Variants in SCAMP5 observed in about 807,000 individuals in gnomAD.
SCAMP5 encodes the protein secretory carrier-associated membrane protein 5.
In SCAMP5, 7 loss-of-function variants were observed where a neutral mutation model predicts 28.3. That is an observed-to-expected ratio of 0.25 (90% confidence interval 0.14 to 0.46). SCAMP5 has a LOEUF of 0.46. Among genes scored for constraint, SCAMP5 ranks in the 20% least tolerant of loss-of-function variants. SCAMP5 has a pLI of 0.99. For missense variants in SCAMP5, 192 were observed against 312.5 expected (o/e 0.61, Z 2.91); for synonymous variants, 117 against 116.4 (o/e 1.00, Z -0.03).
intron 1 of SCAMP5, among the ~76,000 whole-genome samples, chr15:75,000,386 A>T (rs1308817475): frequency 7.3e-6 from 1 of 137,040 alleles, no homozygotes; most frequent in East Asian, 2.3e-4. Context: ...AAAACCTTTA[A>T]GGCCATTTTT....
rs2065814124 is a variant in SCAMP5 at position 75,011,832 on chromosome 15, G to T, written c.-8G>T. 1.9e-6 allele frequency: 3 copies of T among 1,612,722 alleles called. No individual in the cohort carries two copies. Among genetic ancestry groups the T allele is most frequent in the Non-Finnish European group, 2.5e-6 (3 of 1,178,894 alleles). ...TGTGGGCAGGCCACTGGGCCAGCTG[G>T]TAACATCATGGCAGGTAAGGAGAGG... On this transcript the variant is annotated 5_prime_UTR_variant, in exon 2 of 7. Transcript: ENST00000425597.
intron 4 of SCAMP5, 31 bp downstream of exon 4, chr15:75,016,780 G>A (rs2065863240): frequency 1.3e-6 from 2 of 1,575,518 alleles, no homozygotes; most frequent in Non-Finnish European, 1.7e-6. Flanking sequence ...GCAGTGCCTA[G>A]CCGTCTCTGC....
chr15:75,003,802 C>T (rs1454103767), intron 1 of SCAMP5, among the ~76,000 whole-genome samples: 1 of 151,924 alleles, frequency 6.6e-6, no homozygotes, highest in Admixed American at 6.6e-5. Flanking sequence ...AAAGTGAGAC[C>T]CTATCTAAAA....
At chr15:75,001,498 A>G (rs7182286) in intron 1 of SCAMP5, among the ~76,000 whole-genome samples, 30,256 of 150,686 alleles carry the variant, frequency 0.2, 4,793 homozygotes, top group South Asian at 0.44. Flanking sequence ...AAATTGGGCT[A>G]GGTGCAGTGG....
intron 4 of SCAMP5, 88 bp downstream of exon 4, chr15:75,016,837 T>C (rs2065863973): frequency 7.9e-7 from 1 of 1,271,986 alleles, no homozygotes; most frequent in African/African-American, 1.5e-5. Context: ...TTCTTTTTTT[T>C]TTTTTTTACC....
Position 75,017,872 on chromosome 15 carries a change from C to T in SCAMP5, c.296C>T (p.Thr99Ile). The change falls in exon 5 of 7, where the codon ACT becomes ATT. Residue 99 changes from threonine (T) to isoleucine (I), a missense_variant and splice_region_variant. Thr to Ile is a moderately conservative substitution (Grantham distance 89, BLOSUM62 -1). Transcript: ENST00000425597. The stretch of plus-strand genomic sequence containing the variant: ...GGGAGCCACCTCCTCTGCCGCAGGA[C>T]TGACAGCTCCTTCAGTTTCATGGCA... ...WFRPIYKAFK[T>I]DSSFSFMAFF... 2 of 1,611,512 alleles carry T rather than the reference C, an allele frequency of 1.2e-6. No individual in the cohort carries two copies. Among genetic ancestry groups the T allele is most frequent in the Non-Finnish European group, 1.7e-6 (2 of 1,177,630 alleles).
chr15:75,018,680 T>A lies in SCAMP5; in HGVS notation c.514-109T>A. 1 of 1,035,216 alleles carries A rather than the reference T, an allele frequency of 9.7e-7. No homozygotes were observed. The highest frequency in any genetic ancestry group is 2.5e-4 in the Middle Eastern group (1 of 4,010). The allele number at this position is 1,035,216 out of a possible 1,614,324, so 64.1% of individuals were successfully genotyped here. A position where few individuals can be genotyped will look rare whatever the true frequency, so the allele number is the denominator to read the frequency against. ...CCTGCAGGACTCTCCTACAGAGGCA[T>A]TCATGGGGAGGGAGCACTGTTTTTT... On this transcript the variant is annotated intron_variant, in intron 6 of 6. Coordinates refer to ENST00000425597, the MANE Select transcript of SCAMP5 (RefSeq NM_138967.4). This position sits in a 1 kb window ranked among gnomAD's most constrained non-coding sequence, Gnocchi z 5.6.
At position 75,016,630 on chromosome 15, in the gene SCAMP5, T is replaced by C. The variant is rs1567031554; in HGVS notation, c.174T>C (p.Cys58=). The C allele has an allele frequency of 2.5e-6, 4 of 1,613,774 alleles. No homozygotes were observed. The highest frequency in any genetic ancestry group is 2.7e-5 in the African/African-American group (2 of 75,022). Residue 58 remains cysteine (C), a synonymous_variant, in exon 4 of 7, where the codon TGT becomes TGC. Transcript: ENST00000425597. ...CGCTGGCCGTGAACCTGGTGGGCTGTCTCGCGTGGCTGATCGGAGGCGGGG... is the reference window on the plus strand; with the variant it reads ...CGCTGGCCGTGAACCTGGTGGGCTGCCTCGCGTGGCTGATCGGAGGCGGGG... ...SVTLAVNLVG[C]LAWLIGGGGA...
At chr15:75,015,695 G>A (rs1280063721) in intron 3 of SCAMP5, among the ~76,000 whole-genome samples, 3 of 152,150 alleles carry the variant, frequency 2.0e-5, no homozygotes, top group Non-Finnish European at 2.9e-5. Context: ...GGAGGCCAAG[G>A]CGGGTGGATC....
Position 75,020,577 on chromosome 15 carries a change from G to T in SCAMP5, c.*1594G>T, listed in dbSNP as rs1463615024. 1 of 152,306 alleles carries T rather than the reference G, an allele frequency of 6.6e-6. No individual in the cohort carries two copies. The highest frequency in any genetic ancestry group is 1.5e-5 in the Non-Finnish European group (1 of 68,124). The allele number at this position is 152,306 out of a possible 1,614,324, so 9.4% of individuals were successfully genotyped here. On this transcript the variant is annotated 3_prime_UTR_variant, in exon 7 of 7. Coordinates refer to ENST00000425597, the MANE Select transcript of SCAMP5 (RefSeq NM_138967.4). Reference sequence around the variant, plus strand: ...ACTCCCTACCACTTTCAGGAGAGTGGTTTTAGGCCCGTGGGGCTGTTCTGT... The same window carrying T: ...ACTCCCTACCACTTTCAGGAGAGTGTTTTTAGGCCCGTGGGGCTGTTCTGT...
chr15:75,006,083 C>T (rs910411676), intron 1 of SCAMP5, among the ~76,000 whole-genome samples: 3 of 148,648 alleles, frequency 2.0e-5, no homozygotes, highest in African/African-American at 5.0e-5. Context: ...CTGAAACCTC[C>T]GCCTCCCGGG....
chr15:75,006,020 T>TG (rs1487848410), intron 1 of SCAMP5, among the ~76,000 whole-genome samples: 1 of 104,272 alleles, frequency 9.6e-6, no homozygotes, highest in African/African-American at 3.9e-5. Context: ...TTTTTTGAGA[T>TG]GGAGTCTAGC....
chr15:75,012,831 C>T (rs143481943), intron 3 of SCAMP5, 26 bp downstream of exon 3: 1 of 1,613,278 alleles, frequency 6.2e-7, no homozygotes. Flanking sequence ...TGGGGGTGGG[C>T]CAGGGTGGCT....
intron 3 of SCAMP5, among the ~76,000 whole-genome samples, chr15:75,015,503 G>A (rs2065851252): frequency 6.6e-6 from 1 of 152,122 alleles, no homozygotes; most frequent in South Asian, 2.1e-4. Context: ...CTGGTTGATG[G>A]GCTGGGATTT....
intron 4 of SCAMP5, 21 bp downstream of exon 4, chr15:75,016,770 G>A (rs776093619): frequency 4.4e-6 from 7 of 1,599,468 alleles, no homozygotes; most frequent in South Asian, 2.2e-5. Flanking sequence ...GGTGCTATCC[G>A]CAGTGCCTAG....
chr15:75,012,555 G>A (rs2065820948), intron 2 of SCAMP5, 122 bp from the exon 3 acceptor site: 1 of 1,188,934 alleles, frequency 8.4e-7, no homozygotes, highest in Non-Finnish European at 1.2e-6. Flanking sequence ...GCTGGGTGGG[G>A]AAAGCAGAGT....
At chr15:75,012,576 C>T in intron 2 of SCAMP5, 101 bp from the exon 3 acceptor site, 1 of 1,423,168 alleles carries the variant, frequency 7.0e-7, no homozygotes, top group Admixed American at 1.7e-5. Flanking sequence ...GGCCGGTGGC[C>T]ACAGGGGCCA....
chr15:75,000,586 G>C lies in SCAMP5; in HGVS notation c.-49+4913G>C, dbSNP rs146626065. ...TTTTAAGTAGAGACGAGGTTTCACC[G>C]TGTTAGCCAGGATGGTCTCAATTTC... On this transcript the variant is annotated intron_variant, in intron 1 of 6. Coordinates refer to ENST00000425597, the MANE Select transcript of SCAMP5 (RefSeq NM_138967.4). Among the ~76,000 whole-genome samples, 233 of 151,562 alleles carry C rather than the reference G, an allele frequency of 1.5e-3. 1 individual carries two copies. The highest frequency in any genetic ancestry group is 5.3e-3 in the African/African-American group (218 of 41,354).
chr15:75,014,430 A>G (rs1384380986), intron 3 of SCAMP5, among the ~76,000 whole-genome samples: 1 of 152,112 alleles, frequency 6.6e-6, no homozygotes, highest in African/African-American at 2.4e-5. Context: ...GTGGGCTCAC[A>G]ACGAGGCCAT....
Sources: allele counts gnomAD v4.1 joint callset (sites outside exome capture counted in the v4.1 genomes callset), GRCh38; gene constraint gnomAD v4.1.1; non-coding constraint Gnocchi (gnomAD v3.1); transcripts MANE v1.5; gene names NCBI Gene and HGNC (gene_info 2026-07-23, HGNC 2026-07-21).